Variants in PDGFA observed in about 807,000 individuals in gnomAD.
PDGFA encodes the protein platelet derived growth factor subunit A, also known as platelet-derived growth factor subunit A.
In PDGFA, 9 loss-of-function variants were observed where a neutral mutation model predicts 25.6. That is an observed-to-expected ratio of 0.35 (90% confidence interval 0.21 to 0.61). PDGFA has a LOEUF of 0.61. PDGFA is among the 20% of genes least tolerant of loss of function. The pLI, the probability that PDGFA is intolerant of heterozygous loss-of-function variation, is 0.75. For synonymous variants in PDGFA, 133 were observed against 111.8 expected, an observed-to-expected ratio of 1.19 and a Z score of -1.20; for missense variants, 242 against 272.8, an observed-to-expected ratio of 0.89 and a Z score of 0.79.
intron 1 of PDGFA, among the ~76,000 whole-genome samples, chr7:518,161 C>T (rs944072485): frequency 2.0e-5 from 3 of 152,202 alleles, no homozygotes; most frequent in Admixed American, 6.5e-5. Flanking sequence ...GTTAAACTTC[C>T]ACCTCGCGCA....
exon 6 of PDGFA, chr7:498,513 A>C: frequency 6.3e-7 from 1 of 1,578,908 alleles, no homozygotes. Context: ...AGGTTCAGGA[A>C]TGTAACACGC....
exon 6 of PDGFA, chr7:497,965 A>AC (rs1562481718): frequency 5.3e-5 from 7 of 132,840 alleles, no homozygotes; most frequent in Non-Finnish European, 9.5e-5. Context: ...AAAACAAAAA[A>AC]AAAAAAAACA....
chr7:513,652 G>A (rs527943809), intron 2 of PDGFA, among the ~76,000 whole-genome samples: 3 of 152,188 alleles, frequency 2.0e-5, no homozygotes, highest in Non-Finnish European at 4.4e-5. Flanking sequence ...AATCCAGACG[G>A]CTAATGGGCT....
At chr7:516,207 C>T (rs1783092380) in intron 2 of PDGFA, among the ~76,000 whole-genome samples, 1 of 150,120 alleles carries the variant, frequency 6.7e-6, no homozygotes, top group African/African-American at 2.5e-5. Flanking sequence ...CTACCGCACC[C>T]CCCACCCTCC....
At chr7:512,383 C>T (rs371904849) in exon 3 of PDGFA, 6 of 1,613,540 alleles carry the variant, frequency 3.7e-6, no homozygotes, top group Non-Finnish European at 4.2e-6. Context: ...GGGCAGGGGC[C>T]GCTTCTCGGG....
intron 4 of PDGFA, 132 bp downstream of exon 4, chr7:510,677 G>C (rs1782768830): frequency 4.1e-6 from 2 of 485,752 alleles, no homozygotes; most frequent in Non-Finnish European, 7.2e-6. Context: ...GACCCTGGCT[G>C]CTTGGTAGGG....
At chr7:508,163 G>C (rs9690350) in intron 4 of PDGFA, among the ~76,000 whole-genome samples, 80,629 of 151,808 alleles carry the variant, frequency 0.53, 22,059 homozygotes, top group Non-Finnish European at 0.6. Flanking sequence ...CCTTCTCCCC[G>C]CCGCCCCATC....
chr7:511,369 G>GTGGCTGGAGGGGC (rs1410881260), intron 3 of PDGFA, among the ~76,000 whole-genome samples: 4 of 138,578 alleles, frequency 2.9e-5, no homozygotes, highest in Non-Finnish European at 6.2e-5. Context: ...GGTGGGGCCA[G>GTGGCTGGAGGGGC]AGACTGGGGG....
At chr7:506,131 G>A (rs1177252927) in intron 4 of PDGFA, among the ~76,000 whole-genome samples, 4 of 144,602 alleles carry the variant, frequency 2.8e-5, no homozygotes, top group Non-Finnish European at 4.5e-5. Flanking sequence ...AGCTGATATC[G>A]GGCCACTGCA....
At chr7:503,567 G>T (rs570483200) in intron 4 of PDGFA, among the ~76,000 whole-genome samples, 15 of 152,130 alleles carry the variant, frequency 9.9e-5, no homozygotes, top group Non-Finnish European at 2.2e-4. Context: ...TTGGGGGGAA[G>T]GGGGGACTCC....
At chr7:515,553 C>G (rs1783050767) in intron 2 of PDGFA, among the ~76,000 whole-genome samples, 2 of 152,234 alleles carry the variant, frequency 1.3e-5, no homozygotes, top group African/African-American at 4.8e-5. Context: ...GGTCCCCCAC[C>G]AGGGGCAAGA....
At chr7:519,590 AC>A (rs1783276203), upstream of PDGFA, among the ~76,000 whole-genome samples, 9 of 141,762 alleles carry the variant, frequency 6.3e-5, no homozygotes, top group South Asian at 1.8e-3. Flanking sequence ...GCGGCCCAGC[AC>A]CCCCTCCGCG....
chr7:516,052 C>CT (rs1215917614), intron 2 of PDGFA, among the ~76,000 whole-genome samples: 1 of 120,188 alleles, frequency 8.3e-6, no homozygotes, highest in East Asian at 2.9e-4. Context: ...CCCCCCCCCC[C>CT]ACTTTTCCAA....
chr7:510,144 C>A (rs1782735517), intron 4 of PDGFA, among the ~76,000 whole-genome samples: 1 of 152,194 alleles, frequency 6.6e-6, no homozygotes, highest in African/African-American at 2.4e-5. Flanking sequence ...CAGCTCGACA[C>A]CTCGCAAGGC....
chr7:500,574 C>T lies in PDGFA; in HGVS notation c.580+542G>A. The T allele has an allele frequency of 6.2e-7, 1 of 1,609,586 alleles. No individual in the cohort carries two copies. The highest frequency in any genetic ancestry group is 1.7e-5 in the Admixed American group (1 of 59,590). Reference sequence around the variant, plus strand: ...GGTGAAGAACTGAAGCAACAAATACCTACGGCATTTGTTTATCTTTCCAGA... The same window carrying T: ...GGTGAAGAACTGAAGCAACAAATACTTACGGCATTTGTTTATCTTTCCAGA... On this transcript the variant is annotated intron_variant, in intron 5 of 5. Transcript: ENST00000402802. This position sits in a 1 kb window ranked among gnomAD's most constrained non-coding sequence, Gnocchi z 5.0.
chr7:509,749 C>G (rs1049236917), intron 4 of PDGFA, among the ~76,000 whole-genome samples: 1 of 152,130 alleles, frequency 6.6e-6, no homozygotes, highest in African/African-American at 2.4e-5. Context: ...CACAGTCTGC[C>G]GGCGCCCTGA....
At position 504,487 on chromosome 7, in the gene PDGFA, C is replaced by A. The variant is rs76408003; in HGVS notation, c.454-3245G>T. Among the ~76,000 whole-genome samples the A allele has an allele frequency of 5.3e-5, 8 of 152,284 alleles. No homozygotes were observed. In the South Asian group the frequency reaches 1.5e-3, roughly 28 times the overall value. ...AGCCCCCTCCTGCCTCAGCAGGGAC[C>A]GAGTTCCTTCCTCCCCTCCCCTGGA... is the stretch of plus-strand genomic sequence containing the variant. On this transcript the variant is annotated intron_variant, in intron 4 of 5. Coordinates refer to ENST00000402802, the Ensembl canonical transcript of PDGFA.
At position 510,763 on chromosome 7, in the gene PDGFA, G is replaced by A. The variant is rs1374740619; in HGVS notation, c.453+46C>T. 2.0e-5 allele frequency: 12 copies of A among 603,798 alleles called. No homozygotes were observed. In the East Asian group the frequency reaches 4.0e-4, roughly 20 times the overall value. 37.4% of individuals were successfully genotyped at this position (603,798 alleles called of 1,614,324 possible). On this transcript the variant is annotated intron_variant, in intron 4 of 5. Coordinates refer to ENST00000402802, the Ensembl canonical transcript of PDGFA. ...GGAGAGGAGAGGAGGGGAGGGGAGA[G>A]GAGAGGAGGGGAGGGGAGGGGAGGG... is the stretch of plus-strand genomic sequence containing the variant.
At chr7:502,922 T>C (rs1782413380) in intron 4 of PDGFA, among the ~76,000 whole-genome samples, 1 of 151,876 alleles carries the variant, frequency 6.6e-6, no homozygotes, top group South Asian at 2.1e-4. Flanking sequence ...CCACCAGTCA[T>C]GCATGTGTAA....
Sources: allele counts gnomAD v4.1 joint callset (sites outside exome capture counted in the v4.1 genomes callset), GRCh38; gene constraint gnomAD v4.1.1; non-coding constraint Gnocchi (gnomAD v3.1); transcripts MANE v1.5; gene names NCBI Gene and HGNC (gene_info 2026-07-23, HGNC 2026-07-21).